COL18A1: variants seen among roughly 807,000 people sequenced by gnomAD.
The protein encoded by COL18A1 is collagen alpha-1(XVIII) chain.
COL18A1 carries 133 observed loss-of-function variants against 168.0 expected under a neutral mutation model. The ratio of observed to expected loss-of-function variants is 0.79; its 90% CI spans 0.69 to 0.91. The LOEUF is 0.91. Ranked by LOEUF, COL18A1 falls within the 40% of genes least tolerant of loss-of-function variation. The pLI is 0.00. For missense variants in COL18A1, 2,126 were observed against 1,925.4 expected, an observed-to-expected ratio of 1.10 and a Z score of -1.95; for synonymous variants, 949 against 809.0, an observed-to-expected ratio of 1.17 and a Z score of -2.94.
chr21:45,504,933 C>G (rs941889609), intron 34 of COL18A1, among the ~76,000 whole-genome samples: 1 of 134,704 alleles, frequency 7.4e-6, no homozygotes, highest in Admixed American at 7.1e-5. Flanking sequence ...CTCTGCTGGT[C>G]TCTCCCCCGG....
rs1286921439 is a variant in COL18A1 at position 45,476,345 on chromosome 21, C to T, written c.799-6C>T. The T allele has an allele frequency of 1.4e-5, 22 of 1,613,822 alleles. No individual in the cohort carries two copies. The Admixed American group carries it at 1.7e-4, about 12-fold the overall frequency. ...ATAACAGGCCACCTCCCCTCTCGTC[C>T]TCCAGGGCGCGGCCCTAAAACCCAG... On this transcript the variant is annotated splice_polypyrimidine_tract_variant and splice_region_variant and intron_variant, in intron 5 of 41. Coordinates refer to ENST00000651438, the MANE Select transcript of COL18A1 (RefSeq NM_001379500.1).
chr21:45,445,148 G>T lies in COL18A1; in HGVS notation c.107-23094G>T, dbSNP rs1180698208. On this transcript the variant is annotated intron_variant, in intron 2 of 41. Coordinates refer to ENST00000651438, the MANE Select transcript of COL18A1 (RefSeq NM_001379500.1). ...TCCCTCCCTCCAGTCCTGGCCACCG[G>T]TCATCTCCTTTCTGTCCCTGGGTTC... 2.0e-5 allele frequency among the ~76,000 whole-genome samples: 3 copies of T among 152,188 alleles called. No individual in the cohort carries two copies. In the East Asian group the frequency reaches 5.8e-4, roughly 29 times the overall value.
chr21:45,438,248 GCACA>G (rs748483409), intron 2 of COL18A1, among the ~76,000 whole-genome samples: 10 of 77,188 alleles, frequency 1.3e-4, no homozygotes, highest in Non-Finnish European at 2.0e-4. Flanking sequence ...GCACTCTCCT[GCACA>G]CACACACACT....
chr21:45,491,891 G>T (rs1355204695), intron 22 of COL18A1, among the ~76,000 whole-genome samples: 1 of 152,130 alleles, frequency 6.6e-6, no homozygotes, highest in Admixed American at 6.5e-5. Flanking sequence ...GCAGATGCAG[G>T]GCCCAGGGCA....
chr21:45,455,005 C>T (rs2034746497), intron 2 of COL18A1, among the ~76,000 whole-genome samples: 1 of 152,260 alleles, frequency 6.6e-6, no homozygotes, highest in Non-Finnish European at 1.5e-5. Context: ...TGTTTAACGA[C>T]TTGGGCAGCC....
rs2035433670 is a variant in COL18A1 at position 45,471,668 on chromosome 21, G to C, written c.652-2227G>C. On this transcript the variant is annotated intron_variant, in intron 3 of 41. Transcript: ENST00000651438. This position sits in a 1 kb window ranked among gnomAD's most constrained non-coding sequence, Gnocchi z 4.4. ...CAGGTTTGTCAGTGGTCGTCTCCCG[G>C]GAAATCATGCACCCCTCCCAGCTGC... is the stretch of plus-strand genomic sequence containing the variant. 6.6e-6 allele frequency among the ~76,000 whole-genome samples: 1 copy of C among 152,128 alleles called. No homozygotes were observed. The highest frequency in any genetic ancestry group is 2.4e-5 in the African/African-American group (1 of 41,422).
At chr21:45,495,884 C>T (rs1375631582) in intron 29 of COL18A1, 7 of 318,492 alleles carry the variant, frequency 2.2e-5, no homozygotes, top group Non-Finnish European at 3.7e-5. Flanking sequence ...TGTGTATCCA[C>T]ATACATGACT....
At chr21:45,501,313 T>C (rs375586461) in intron 32 of COL18A1, among the ~76,000 whole-genome samples, 2 of 152,038 alleles carry the variant, frequency 1.3e-5, no homozygotes, top group African/African-American at 4.8e-5. Context: ...ATAGGGGGAC[T>C]TTCAGCCCAG....
At chr21:45,494,198 G>A (rs1435791106) in intron 26 of COL18A1, 1 of 490,694 alleles carries the variant, frequency 2.0e-6, no homozygotes, top group Non-Finnish European at 3.7e-6. Context: ...ACCCAGCTGT[G>A]CATTGGAGCT....
rs2035841143 is a variant in COL18A1 at position 45,480,124 on chromosome 21, C to T, written c.1366C>T (p.Pro456Ser). ...GPPGPQGPPG[P>S]PGPSFRHDKL... ...CCCAGGACCCCAAGGGCCTCCAGGG[C>T]CCCCAGGACCCTCCTTCAGACACGA... Residue 456 changes from proline to serine, a missense_variant, in exon 11 of 42, where the codon CCC becomes TCC. Physicochemically the swap from Pro to Ser is moderately conservative, Grantham distance 74. Coordinates refer to ENST00000651438, the MANE Select transcript of COL18A1 (RefSeq NM_001379500.1). 2 of 1,593,942 alleles carry T rather than the reference C, an allele frequency of 1.3e-6. No individual in the cohort carries two copies. The highest frequency in any genetic ancestry group is 1.7e-6 in the Non-Finnish European group (2 of 1,162,152).
intron 41 of COL18A1, 78 bp downstream of exon 41, chr21:45,511,304 T>G: frequency 1.3e-6 from 1 of 759,656 alleles, no homozygotes; most frequent in Non-Finnish European, 2.3e-6. Context: ...TATCTGCAGT[T>G]TCCCCCCGAG....
At chr21:45,504,606 C>T in intron 34 of COL18A1, 50 bp downstream of exon 34, 9 of 1,522,858 alleles carry the variant, frequency 5.9e-6, no homozygotes, top group Non-Finnish European at 8.0e-6. Flanking sequence ...GGTCTGGGTG[C>T]AGGAGCCGAG....
At chr21:45,445,869 G>A (rs1043278151) in intron 2 of COL18A1, among the ~76,000 whole-genome samples, 2 of 151,878 alleles carry the variant, frequency 1.3e-5, no homozygotes, top group African/African-American at 4.8e-5. Flanking sequence ...TATATGATTC[G>A]CAAATATCTT....
At chr21:45,453,533 G>A (rs763293977) in intron 2 of COL18A1, among the ~76,000 whole-genome samples, 11 of 152,212 alleles carry the variant, frequency 7.2e-5, no homozygotes, top group Non-Finnish European at 7.3e-5. Flanking sequence ...CTGTGGAGCC[G>A]TGGCAGAGCC....
At chr21:45,504,661 C>A (rs2037079033) in intron 34 of COL18A1, 105 bp downstream of exon 34, 1 of 982,414 alleles carries the variant, frequency 1.0e-6, no homozygotes, top group South Asian at 1.4e-5. Flanking sequence ...GCCGGAGCTG[C>A]CCCTGCAAGC....
chr21:45,477,662 C>A (rs978954372), intron 7 of COL18A1, 88 bp from the exon 8 acceptor site: 1 of 1,368,328 alleles, frequency 7.3e-7, no homozygotes, highest in South Asian at 1.3e-5. Flanking sequence ...GCAGCCCAGC[C>A]TGGGACTCTG....
At chr21:45,410,300 G>C (rs932669517) in intron 2 of COL18A1, among the ~76,000 whole-genome samples, 3 of 152,264 alleles carry the variant, frequency 2.0e-5, no homozygotes, top group Non-Finnish European at 4.4e-5. Context: ...CCTTGTGATG[G>C]GCAGGGCAGG....
intron 2 of COL18A1, among the ~76,000 whole-genome samples, chr21:45,422,036 G>A (rs2033640622): frequency 6.6e-6 from 1 of 152,046 alleles, no homozygotes; most frequent in African/African-American, 2.4e-5. Context: ...ACACACACAG[G>A]TTCACAGACA....
At chr21:45,488,772 A>C (rs1210733923) in intron 18 of COL18A1, among the ~76,000 whole-genome samples, 1 of 152,082 alleles carries the variant, frequency 6.6e-6, no homozygotes, top group Non-Finnish European at 1.5e-5. Context: ...CAGGGTCCCC[A>C]CCTCAGCCTC....
Sources: gnomAD v4.1 joint callset for allele counts (sites outside exome capture counted in the v4.1 genomes callset) on GRCh38, gnomAD v4.1.1 for gene constraint, Gnocchi (gnomAD v3.1) non-coding constraint, MANE v1.5 for transcripts, NCBI Gene and HGNC (gene_info 2026-07-23, HGNC 2026-07-21) for gene names.